SLC45A4: variants seen among roughly 807,000 people sequenced by gnomAD.
The protein encoded by SLC45A4 is polyamine-transporter SLC45A4.
In SLC45A4, 32 loss-of-function variants were observed where a neutral mutation model predicts 63.7. The observed-to-expected ratio is 0.50, with a 90% CI of 0.38 to 0.67. The LOEUF is 0.67. Ranked by LOEUF, SLC45A4 falls within the 30% of genes least tolerant of loss-of-function variation. The probability of loss-of-function intolerance (pLI) is 0.00; values close to 1 mark genes in which losing one functional copy is unlikely to be tolerated. For missense variants in SLC45A4, 1,027 were observed against 1,157.7 expected (o/e 0.89, Z 1.64); for synonymous variants, 535 against 510.0 (o/e 1.05, Z -0.66).
At chr8:141,257,223 A>T (rs920235726) in intron 1 of SLC45A4, among the ~76,000 whole-genome samples, 3 of 152,206 alleles carry the variant, frequency 2.0e-5, no homozygotes, top group South Asian at 4.1e-4. Context: ...AAGGACCAAC[A>T]TTCTGCTATT....
In SLC45A4 at chr8:141,218,311, G is replaced by C; in HGVS notation, c.1329C>G (p.Ala443=). 1 of 1,606,758 alleles carries C rather than the reference G, an allele frequency of 6.2e-7. No individual in the cohort carries two copies. Residue 443 remains alanine (A), a synonymous_variant, in exon 5 of 9, where the codon GCC becomes GCG. Coordinates refer to ENST00000517878, the MANE Select transcript of SLC45A4 (RefSeq NM_001286646.2). ...LGSHCYRYRR[A]NAVVLIKPSR... The stretch of plus-strand genomic sequence containing the variant: ...ACGGCTTGATCAGCACCACGGCGTT[G>C]GCGCGCCGGTAGCGGTAGCAGTGGG...
At chr8:141,242,998 C>G (rs1827993307) in intron 2 of SLC45A4, among the ~76,000 whole-genome samples, 1 of 152,246 alleles carries the variant, frequency 6.6e-6, no homozygotes, top group Non-Finnish European at 1.5e-5. Flanking sequence ...CGGGTGGTGA[C>G]AGAGAGCTCC....
chr8:141,285,128 C>A (rs941423615), intron 1 of SLC45A4, among the ~76,000 whole-genome samples: 9 of 152,346 alleles, frequency 5.9e-5, no homozygotes, highest in African/African-American at 1.9e-4. Context: ...AGCGGCCCAG[C>A]GGGATCCAGC....
At chr8:141,269,016 C>G (rs1185507410) in intron 1 of SLC45A4, among the ~76,000 whole-genome samples, 1 of 152,226 alleles carries the variant, frequency 6.6e-6, no homozygotes, top group African/African-American at 2.4e-5. Context: ...TGTGGAGGGG[C>G]TTCCCTAAAC....
At chr8:141,245,871 T>A (rs1828164538) in intron 2 of SLC45A4, among the ~76,000 whole-genome samples, 1 of 152,152 alleles carries the variant, frequency 6.6e-6, no homozygotes, top group South Asian at 2.1e-4. Context: ...TTTAGGAAAC[T>A]GCCATCAAGG....
intron 1 of SLC45A4, among the ~76,000 whole-genome samples, chr8:141,260,842 A>T (rs1304963454): frequency 6.6e-6 from 1 of 152,244 alleles, no homozygotes; most frequent in African/African-American, 2.4e-5. Context: ...TCCAATCAAT[A>T]GAAAAAGAGG....
chr8:141,238,617 C>T lies in SLC45A4; in HGVS notation c.241+15372G>A, dbSNP rs534614461. On this transcript the variant is annotated intron_variant, in intron 2 of 8. Coordinates refer to ENST00000517878, the MANE Select transcript of SLC45A4 (RefSeq NM_001286646.2). ...GCCATTCACAGTCTTCCCCCACCAC[C>T]GCATCTCCCCCTGGCCCCTGGAGGG... Among the ~76,000 whole-genome samples, 5 of 152,314 alleles carry T rather than the reference C, an allele frequency of 3.3e-5. No homozygotes were observed. The East Asian group carries it at 5.8e-4, about 18-fold the overall frequency.
intron 1 of SLC45A4, among the ~76,000 whole-genome samples, chr8:141,267,122 A>G (rs1829298194): frequency 6.6e-6 from 1 of 152,274 alleles, no homozygotes; most frequent in Non-Finnish European, 1.5e-5. Context: ...CTGTGTGCGC[A>G]TATAGCAAGT....
At chr8:141,241,985 G>A (rs1168172940) in intron 2 of SLC45A4, among the ~76,000 whole-genome samples, 3 of 152,172 alleles carry the variant, frequency 2.0e-5, no homozygotes, top group Non-Finnish European at 4.4e-5. Flanking sequence ...CGCACGGACA[G>A]CGGGACAGCC....
chr8:141,279,306 G>A (rs1463039090), intron 1 of SLC45A4, among the ~76,000 whole-genome samples: 1 of 152,252 alleles, frequency 6.6e-6, no homozygotes, highest in Admixed American at 6.5e-5. Context: ...CTGGAGGGGA[G>A]CCAGGACAAG....
intron 1 of SLC45A4, among the ~76,000 whole-genome samples, chr8:141,307,577 C>A (rs1274675354): frequency 6.6e-6 from 1 of 151,946 alleles, no homozygotes; most frequent in African/African-American, 2.4e-5. Context: ...TTGGGAGGAC[C>A]GGTCCAGACA....
Position 141,256,423 on chromosome 8 carries a change from T to C in SLC45A4, c.-400-1794A>G. 1 of 381,628 alleles carries C rather than the reference T, an allele frequency of 2.6e-6. No individual in the cohort carries two copies. The highest frequency in any genetic ancestry group is 5.3e-6 in the Non-Finnish European group (1 of 189,542). The allele number at this position is 381,628 out of a possible 1,614,324, so 23.6% of individuals were successfully genotyped here. On this transcript the variant is annotated intron_variant, in intron 1 of 8. Coordinates refer to ENST00000517878, the MANE Select transcript of SLC45A4 (RefSeq NM_001286646.2). The surrounding 1 kb of genome is among the most constrained non-coding windows in gnomAD (Gnocchi z 4.3). The stretch of plus-strand genomic sequence containing the variant: ...ACCAAAGGTGGTCTTAATTAGCTCC[T>C]CCTCTCTTTCTCCCCAGAGGAGACC...
intron 1 of SLC45A4, among the ~76,000 whole-genome samples, chr8:141,269,550 G>A (rs1436781291): frequency 6.6e-6 from 1 of 151,516 alleles, no homozygotes; most frequent in East Asian, 1.9e-4. Context: ...GTGTGTGGGT[G>A]TGTCTGTGTG....
chr8:141,231,750 G>C (rs1827367381), intron 2 of SLC45A4, among the ~76,000 whole-genome samples: 1 of 152,246 alleles, frequency 6.6e-6, no homozygotes, highest in Admixed American at 6.5e-5. Context: ...AGGCACAGTA[G>C]GAAACACTCT....
intron 1 of SLC45A4, among the ~76,000 whole-genome samples, chr8:141,283,268 CT>C (rs1329629540): frequency 6.6e-6 from 1 of 152,224 alleles, no homozygotes; most frequent in Non-Finnish European, 1.5e-5. Context: ...ACTGCAGCCT[CT>C]GCGAACATGA....
intron 2 of SLC45A4, chr8:141,228,291 G>A: frequency 6.2e-7 from 1 of 1,611,202 alleles, no homozygotes; most frequent in Non-Finnish European, 8.5e-7. Flanking sequence ...CTGCCGCCCT[G>A]TGCCAGGCAC....
intron 1 of SLC45A4, among the ~76,000 whole-genome samples, chr8:141,281,947 G>A (rs540110582): frequency 1.8e-4 from 28 of 151,462 alleles, no homozygotes; most frequent in Non-Finnish European, 1.2e-4. Flanking sequence ...GCCAGGACGC[G>A]TGGTGGCTCC....
chr8:141,296,544 A>AG (rs1161854608), intron 1 of SLC45A4, among the ~76,000 whole-genome samples: 6 of 148,534 alleles, frequency 4.0e-5, no homozygotes, highest in Non-Finnish European at 6.0e-5. Flanking sequence ...AAAATTAAAA[A>AG]AAAAAAGAAG....
intron 1 of SLC45A4, among the ~76,000 whole-genome samples, chr8:141,270,333 C>T (rs1310074743): frequency 6.6e-6 from 1 of 150,488 alleles, no homozygotes; most frequent in Non-Finnish European, 1.5e-5. Context: ...TCAAGACCAC[C>T]CTGGGCGACA....
Sources: allele counts gnomAD v4.1 joint callset (sites outside exome capture counted in the v4.1 genomes callset), GRCh38; gene constraint gnomAD v4.1.1; non-coding constraint Gnocchi (gnomAD v3.1); transcripts MANE v1.5; gene names NCBI Gene and HGNC (gene_info 2026-07-23, HGNC 2026-07-21).